Variants in SMYD3 observed in about 807,000 individuals in gnomAD.
SMYD3 encodes SET and MYND domain containing 3.
In SMYD3, 36 loss-of-function variants were observed where a neutral mutation model predicts 57.7. The ratio of observed to expected loss-of-function variants is 0.62; its 90% CI spans 0.48 to 0.82. The LOEUF is 0.82. SMYD3 is among the 40% of genes least tolerant of loss of function. The probability of loss-of-function intolerance (pLI) is 0.00; values close to 1 mark genes in which losing one functional copy is unlikely to be tolerated. For synonymous variants in SMYD3, 211 were observed against 195.0 expected, an observed-to-expected ratio of 1.08 and a Z score of -0.68; for missense variants, 515 against 538.8, an observed-to-expected ratio of 0.96 and a Z score of 0.44.
intron 5 of SMYD3, among the ~76,000 whole-genome samples, chr1:246,225,321 CAAAAAAAAAAAAAAAAAAAAAA>C (rs60915002): frequency 5.8e-4 from 44 of 76,256 alleles, no homozygotes; most frequent in Admixed American, 1.9e-3. Flanking sequence ...GCTGAAAAGT[CAAAAAAAAAAAAAAAAAAAAAA>C]AAAAAAAAAA....
chr1:246,103,976 A>G (rs2061070558), intron 5 of SMYD3, among the ~76,000 whole-genome samples: 1 of 152,034 alleles, frequency 6.6e-6, no homozygotes, highest in Non-Finnish European at 1.5e-5. Flanking sequence ...CTTCTATAAA[A>G]CCTTTCAACC....
At chr1:245,894,406 G>A (rs35540445) in intron 8 of SMYD3, among the ~76,000 whole-genome samples, 84,944 of 151,600 alleles carry the variant, frequency 0.56, 27,091 homozygotes, top group Non-Finnish European at 0.73. Context: ...AACCAGCAGC[G>A]GAAACCCGCT....
chr1:246,419,451 G>A (rs570420737), intron 1 of SMYD3, among the ~76,000 whole-genome samples: 1 of 152,302 alleles, frequency 6.6e-6, no homozygotes, highest in South Asian at 2.1e-4. Context: ...CCTTGCTAGG[G>A]TCTTGGGTTT....
intron 10 of SMYD3, among the ~76,000 whole-genome samples, chr1:245,798,953 T>C (rs759796214): frequency 7.9e-5 from 12 of 152,114 alleles, no homozygotes; most frequent in Non-Finnish European, 1.8e-4. Context: ...AGCCTGATGA[T>C]GTCCTTGTTA....
chr1:246,185,365 T>A (rs916411544), intron 5 of SMYD3, among the ~76,000 whole-genome samples: 1 of 151,294 alleles, frequency 6.6e-6, no homozygotes, highest in South Asian at 2.1e-4. Flanking sequence ...TTCTCCTGAG[T>A]AGCTGGGACT....
chr1:246,149,154 C>CT (rs1057303531), intron 5 of SMYD3, among the ~76,000 whole-genome samples: 4 of 152,170 alleles, frequency 2.6e-5, no homozygotes, highest in Admixed American at 2.0e-4. Flanking sequence ...TAAAATACCT[C>CT]TTTTTGCATT....
At chr1:245,887,152 CATAAAGACCT>C (rs1349905578) in intron 8 of SMYD3, among the ~76,000 whole-genome samples, 1 of 152,102 alleles carries the variant, frequency 6.6e-6, no homozygotes, top group African/African-American at 2.4e-5. Flanking sequence ...AGTAACAGGT[CATAAAGACCT>C]TGCTGATAAA....
intron 5 of SMYD3, among the ~76,000 whole-genome samples, chr1:246,133,463 T>C (rs1017862781): frequency 3.3e-5 from 5 of 152,104 alleles, no homozygotes; most frequent in Admixed American, 6.6e-5. Context: ...GACCTGAGTG[T>C]TGTTAAACTT....
At chr1:246,339,005 C>T (rs560812533) in intron 2 of SMYD3, among the ~76,000 whole-genome samples, 8 of 152,160 alleles carry the variant, frequency 5.3e-5, no homozygotes, top group Non-Finnish European at 1.2e-4. Context: ...AATTCCATGA[C>T]GGTGGAAAAC....
At chr1:246,182,757 T>C (rs143973218) in intron 5 of SMYD3, among the ~76,000 whole-genome samples, 56 of 152,282 alleles carry the variant, frequency 3.7e-4, no homozygotes, top group Middle Eastern at 6.8e-3. Flanking sequence ...ATCCATCTTA[T>C]CCAGGAAGTA....
chr1:245,775,151 C>T (rs1452004254), intron 10 of SMYD3, among the ~76,000 whole-genome samples: 5 of 152,090 alleles, frequency 3.3e-5, no homozygotes, highest in Non-Finnish European at 5.9e-5. Context: ...CATCTCCGCC[C>T]GGCAGCCGCC....
At chr1:246,346,381 T>C (rs1462130362) in intron 2 of SMYD3, among the ~76,000 whole-genome samples, 1 of 152,182 alleles carries the variant, frequency 6.6e-6, no homozygotes, top group Non-Finnish European at 1.5e-5. Context: ...TGGTTCCTTT[T>C]ACATCACGTC....
chr1:246,107,102 A>ATC (rs58470168), intron 5 of SMYD3, among the ~76,000 whole-genome samples: 28 of 142,760 alleles, frequency 2.0e-4, no homozygotes, highest in South Asian at 9.9e-4. Context: ...GATCGAGACC[A>ATC]CGGTGAAACC....
At chr1:245,789,306 A>G (rs2047172575) in intron 10 of SMYD3, among the ~76,000 whole-genome samples, 1 of 152,232 alleles carries the variant, frequency 6.6e-6, no homozygotes, top group Non-Finnish European at 1.5e-5. Flanking sequence ...GTTGTTGCAC[A>G]GAGGAACAGG....
Position 246,233,704 on chromosome 1 carries a change from A to C in SMYD3, c.531+93497T>G, listed in dbSNP as rs201885271. ...CACTCCTTCAATTCACACTGTGATG[A>C]ACATATACCACACAGAGGAGAAGCA... On this transcript the variant is annotated intron_variant, in intron 5 of 11. Transcript: ENST00000490107. 1.4e-4 allele frequency among the ~76,000 whole-genome samples: 16 copies of C among 113,478 alleles called. No individual in the cohort carries two copies. In the East Asian group the frequency reaches 1.6e-3, roughly 11 times the overall value. The allele number at this position is 113,478 out of a possible 152,430, so 74.4% of individuals were successfully genotyped here.
chr1:246,266,144 G>A (rs1275838165), intron 5 of SMYD3, among the ~76,000 whole-genome samples: 1 of 152,094 alleles, frequency 6.6e-6, no homozygotes, highest in Non-Finnish European at 1.5e-5. Context: ...TTCCATTTGA[G>A]TCCATCCTTC....
rs78360899 is a variant in SMYD3 at position 246,265,306 on chromosome 1, A to ATTTT, written c.531+61891_531+61894dup. Among the ~76,000 whole-genome samples, 354 of 148,266 alleles carry ATTTT rather than the reference A, an allele frequency of 2.4e-3. 1 individual carries two copies. The highest frequency in any genetic ancestry group is 7.6e-3 in the African/African-American group (307 of 40,132). On this transcript the variant is annotated intron_variant, in intron 5 of 11. Coordinates refer to ENST00000490107, the MANE Select transcript of SMYD3 (RefSeq NM_001167740.2). ...GCCAACATACCCAGCTAATTTTTGTATTTTTTTTTTTTGTAATAGACAGGG... is the reference window on the plus strand; with the variant it reads ...GCCAACATACCCAGCTAATTTTTGTATTTTTTTTTTTTTTTTGTAATAGACAGGG...
chr1:246,473,734 T>A lies in SMYD3; in HGVS notation c.164+33320A>T, dbSNP rs574401456. Among the ~76,000 whole-genome samples the A allele has an allele frequency of 2.6e-5, 4 of 152,346 alleles. No individual in the cohort carries two copies. In the South Asian group the frequency reaches 8.3e-4, roughly 32 times the overall value. On this transcript the variant is annotated intron_variant, in intron 1 of 11. Transcript: ENST00000490107. ...AAGAGGCGGAACACATATGCCTCAA[T>A]CCCTTCAGAGTTTGTTTTTTGGGGC...
chr1:245,806,864 C>T (rs146765131), intron 10 of SMYD3, among the ~76,000 whole-genome samples: 19,704 of 135,354 alleles, frequency 0.15, 1,635 homozygotes, highest in African/African-American at 0.23. Flanking sequence ...GAGCCGAGAT[C>T]GCGCCACTGC....
Sources: gnomAD v4.1 joint callset for allele counts (sites outside exome capture counted in the v4.1 genomes callset) on GRCh38, gnomAD v4.1.1 for gene constraint, MANE v1.5 for transcripts, NCBI Gene and HGNC (gene_info 2026-07-23, HGNC 2026-07-21) for gene names.